Variants in PXDN observed in about 807,000 individuals in gnomAD.
PXDN encodes peroxidasin homolog.
A neutral mutation model predicts 140.3 loss-of-function variants in PXDN; 77 were observed. The ratio of observed to expected loss-of-function variants is 0.55; its 90% CI spans 0.46 to 0.66. PXDN has a LOEUF of 0.66. Ranked by LOEUF, PXDN falls within the 30% of genes least tolerant of loss-of-function variation. The pLI is 0.00. For missense variants in PXDN, 1,838 were observed against 2,039.5 expected, an observed-to-expected ratio of 0.90 and a Z score of 1.90; for synonymous variants, 911 against 857.4, an observed-to-expected ratio of 1.06 and a Z score of -1.09.
intron 1 of PXDN, among the ~76,000 whole-genome samples, chr2:1,716,564 G>A (rs747249024): frequency 1.3e-5 from 2 of 151,932 alleles, no homozygotes; most frequent in Admixed American, 6.6e-5. Context: ...GAGGACTAGC[G>A]TGGGAGGTGG....
rs1429184149 is a variant in PXDN at position 1,687,670 on chromosome 2, G to C, written c.378C>G (p.Asp126Glu). ...YLYKNEIQSI[D>E]RQAFKGLASL... The stretch of plus-strand genomic sequence containing the variant: ...AGGCAAGTCCCTTAAATGCTTGCCT[G>C]TCAATTGACTGGATCTCATTCTTGT... The change falls in exon 4 of 23, where the codon GAC becomes GAG. Residue 126 changes from aspartate (D) to glutamate (E), a missense_variant. By Grantham distance (45) the Asp-to-Glu change is conservative. Transcript: ENST00000252804. The surrounding 1 kb of genome is among the most constrained non-coding windows in gnomAD (Gnocchi z 4.0). The C allele has an allele frequency of 1.3e-6, 2 of 1,534,170 alleles. No homozygotes were observed. Among genetic ancestry groups the C allele is most frequent in the Non-Finnish European group, 1.8e-6 (2 of 1,110,864 alleles).
At chr2:1,646,975 A>T (rs1274310802) in intron 17 of PXDN, among the ~76,000 whole-genome samples, 1 of 152,158 alleles carries the variant, frequency 6.6e-6, no homozygotes, top group Non-Finnish European at 1.5e-5. Context: ...GGCTCACTGC[A>T]ATATCTGCCA....
chr2:1,677,119 TTC>T (rs1683737433), intron 7 of PXDN, 75 bp from the exon 8 acceptor site: 9 of 1,325,628 alleles, frequency 6.8e-6, no homozygotes, highest in East Asian at 5.1e-5. Context: ...ACACGCTGAG[TTC>T]TCTGTGTCCA....
rs759576126 is a variant in PXDN, at chr2:1,687,591, C to T, written c.416+41G>A. 3.1e-5 allele frequency: 44 copies of T among 1,418,898 alleles called. No homozygotes were observed. In the East Asian group the frequency reaches 6.9e-4, roughly 22 times the overall value. 87.9% of individuals were successfully genotyped at this position (1,418,898 alleles called of 1,614,324 possible). A position where few individuals can be genotyped will look rare whatever the true frequency, so the allele number is the denominator to read the frequency against. ...TCCCTACAAGAGGAAAACAGCCAGA[C>T]GGCATCCAAGAACTAAAGCACGAAG... On this transcript the variant is annotated intron_variant, in intron 4 of 22. Transcript: ENST00000252804. This position sits in a 1 kb window ranked among gnomAD's most constrained non-coding sequence, Gnocchi z 4.0.
At chr2:1,724,312 G>GTTTT (rs34475212) in intron 1 of PXDN, among the ~76,000 whole-genome samples, 5,198 of 139,834 alleles carry the variant, frequency 0.037, 151 homozygotes, top group Non-Finnish European at 0.056. Flanking sequence ...CTGAATTTCC[G>GTTTT]TTTTTTTTTT....
Position 1,639,317 on chromosome 2 carries a change from G to A in PXDN, c.4058C>T (p.Pro1353Leu), listed in dbSNP as rs1188276824. Residue 1353 changes from proline to leucine, a missense_variant, in exon 20 of 23, where the codon CCA becomes CTA. By Grantham distance (98) the Pro-to-Leu change is moderately conservative. Coordinates refer to ENST00000252804, the MANE Select transcript of PXDN (RefSeq NM_012293.3). This position sits in a 1 kb window ranked among gnomAD's most constrained non-coding sequence, Gnocchi z 5.0. Reference protein sequence around the residue: ...QEDKPTKKTRPRKIPSVGRQG... With the variant: ...QEDKPTKKTRLRKIPSVGRQG... ...ACCACCATACCTGGGTATTTTCCGT[G>A]GTCTTGTTTTCTTGGTCGGCTTGTC... 1 of 1,613,570 alleles carries A rather than the reference G, an allele frequency of 6.2e-7. No homozygotes were observed. Among genetic ancestry groups the A allele is most frequent in the Non-Finnish European group, 8.5e-7 (1 of 1,179,714 alleles).
chr2:1,694,714 C>T (rs1427342301), intron 1 of PXDN, among the ~76,000 whole-genome samples: 9 of 152,164 alleles, frequency 5.9e-5, no homozygotes, highest in Non-Finnish European at 1.2e-4. Context: ...GGACTCTCCA[C>T]GTAGGAGCTG....
In PXDN at chr2:1,714,540, C is replaced by A. The variant is rs1344040336; in HGVS notation, c.201-21406G>T. On this transcript the variant is annotated intron_variant, in intron 1 of 22. Coordinates refer to ENST00000252804, the MANE Select transcript of PXDN (RefSeq NM_012293.3). This position sits in a 1 kb window ranked among gnomAD's most constrained non-coding sequence, Gnocchi z 4.3. ...TGCCCCTCCCACAGCAGGCCCAGTG[C>A]GTGCATTCCCTGAAAGGCCAGGTGG... is the stretch of plus-strand genomic sequence containing the variant. Among the ~76,000 whole-genome samples the A allele has an allele frequency of 2.6e-5, 4 of 152,176 alleles. No homozygotes were observed. Among genetic ancestry groups the A allele is most frequent in the South Asian group, 2.1e-4 (1 of 4,826 alleles).
chr2:1,660,816 A>C lies in PXDN; in HGVS notation c.1837+65T>G, dbSNP rs1683285774. ...CCTAAGTCAACTGGCCTGGGACCAC[A>C]CTAGGGACCTGCGGGCTTTCTTTGT... On this transcript the variant is annotated intron_variant, in intron 14 of 22. Transcript: ENST00000252804. The surrounding 1 kb of genome is among the most constrained non-coding windows in gnomAD (Gnocchi z 4.6). The C allele has an allele frequency of 3.2e-6, 5 of 1,552,850 alleles. No individual in the cohort carries two copies. Among genetic ancestry groups the C allele is most frequent in the Non-Finnish European group, 4.4e-6 (5 of 1,146,812 alleles).
At chr2:1,726,476 G>A (rs1268362722) in intron 1 of PXDN, among the ~76,000 whole-genome samples, 8 of 151,246 alleles carry the variant, frequency 5.3e-5, no homozygotes, top group Non-Finnish European at 1.2e-4. Context: ...TATACCTAAT[G>A]CTAAATGACG....
rs747017504 is a variant in PXDN, at chr2:1,648,142, G to A, written c.3608+30C>T. 22 of 1,595,718 alleles carry A rather than the reference G, an allele frequency of 1.4e-5. No homozygotes were observed. The highest frequency in any genetic ancestry group is 1.7e-4 in the Middle Eastern group (1 of 5,964). On this transcript the variant is annotated intron_variant, in intron 17 of 22. Transcript: ENST00000252804. This position sits in a 1 kb window ranked among gnomAD's most constrained non-coding sequence, Gnocchi z 8.9. Reference sequence around the variant, plus strand: ...AGGTGTTCCAGGTGCCTAGGTACACGAGCCATCCCACACAGCCTCTTCAGC... The same window carrying A: ...AGGTGTTCCAGGTGCCTAGGTACACAAGCCATCCCACACAGCCTCTTCAGC...
At chr2:1,658,070 CTCTCTCTCTCTCTCTCTCTCTCTGTT>C (rs1558494454) in intron 14 of PXDN, among the ~76,000 whole-genome samples, 3 of 108,838 alleles carry the variant, frequency 2.8e-5, no homozygotes, top group African/African-American at 7.8e-5. Flanking sequence ...CTCTCTCTCT[CTCTCTCTCTCTCTCTCTCTCTCTGTT>C]ACAGTGTCTG....
intron 13 of PXDN, among the ~76,000 whole-genome samples, chr2:1,661,795 A>G (rs945636226): frequency 1.3e-5 from 2 of 152,264 alleles, no homozygotes; most frequent in African/African-American, 4.8e-5. Context: ...GATCAAAAAA[A>G]TGGAATGCTC....
chr2:1,732,893 A>T (rs1685344497), intron 1 of PXDN, among the ~76,000 whole-genome samples: 1 of 152,226 alleles, frequency 6.6e-6, no homozygotes, highest in Non-Finnish European at 1.5e-5. Context: ...CCAAGTAGTC[A>T]TGGAAGGTTT....
chr2:1,664,786 C>T (rs1315527603), intron 11 of PXDN, 172 bp downstream of exon 11: 6 of 596,868 alleles, frequency 1.0e-5, no homozygotes, highest in Admixed American at 8.9e-5. Flanking sequence ...GACAGGAAGC[C>T]GCGGGGGATG....
upstream of PXDN, chr2:1,744,527 C>A: frequency 7.9e-7 from 1 of 1,260,196 alleles, no homozygotes; most frequent in African/African-American, 1.6e-5. Flanking sequence ...CCCGCCCGGC[C>A]GCGGCCCACG....
intron 1 of PXDN, among the ~76,000 whole-genome samples, chr2:1,697,541 T>C (rs1038171349): frequency 1.3e-5 from 2 of 152,206 alleles, no homozygotes; most frequent in Non-Finnish European, 2.9e-5. Context: ...CACCTACATA[T>C]GACTCAACAG....
chr2:1,680,798 G>T (rs937451963), intron 6 of PXDN, among the ~76,000 whole-genome samples: 1 of 152,146 alleles, frequency 6.6e-6, no homozygotes, highest in African/African-American at 2.4e-5. Flanking sequence ...CCATCATCAC[G>T]GGCAGGACAG....
At chr2:1,708,449 C>T (rs1289165739) in intron 1 of PXDN, among the ~76,000 whole-genome samples, 4 of 152,180 alleles carry the variant, frequency 2.6e-5, no homozygotes, top group Non-Finnish European at 5.9e-5. Context: ...AGTCAGCCTC[C>T]GCCCTTCGCA....
Sources: allele counts gnomAD v4.1 joint callset (sites outside exome capture counted in the v4.1 genomes callset), GRCh38; gene constraint gnomAD v4.1.1; non-coding constraint Gnocchi (gnomAD v3.1); transcripts MANE v1.5; gene names NCBI Gene and HGNC (gene_info 2026-07-23, HGNC 2026-07-21).